SRD5A3: variants seen among roughly 807,000 people sequenced by gnomAD.
SRD5A3 encodes polyprenal reductase.
In SRD5A3, 24 loss-of-function variants were observed where a neutral mutation model predicts 34.3. That is an observed-to-expected ratio of 0.70 (90% CI 0.51 to 0.99). The LOEUF is 0.99. Ranked by LOEUF, SRD5A3 falls within the 50% of genes least tolerant of loss-of-function variation. The pLI, the probability that SRD5A3 is intolerant of heterozygous loss-of-function variation, is 0.00. For missense variants in SRD5A3, 350 were observed against 388.2 expected (o/e 0.90, Z 0.83); for synonymous variants, 161 against 167.3 (o/e 0.96, Z 0.29).
In SRD5A3 at chr4:55,364,252, GC is replaced by G; in HGVS notation, c.545del (p.Pro182GlnfsTer9). 6.2e-7 allele frequency: 1 copy of G among 1,614,114 alleles called. No individual in the cohort carries two copies. Among genetic ancestry groups the G allele is most frequent in the African/African-American group, 1.3e-5 (1 of 75,046 alleles). ...LVGLTVLSQV[P>X]MDGRNAYITG... ...TTGGCCTAACTGTGCTGAGCCAAGT[GC>G]CAATGGATGGCAGGAATGGTGAGTG... On this transcript the variant is annotated frameshift_variant, in exon 3 of 5. Coordinates refer to ENST00000264228, the MANE Select transcript of SRD5A3 (RefSeq NM_024592.5). LOFTEE classifies it high-confidence loss of function.
chr4:55,346,532 T>G lies in SRD5A3; in HGVS notation c.196T>G (p.Cys66Gly). 3 of 1,597,416 alleles carry G rather than the reference T, an allele frequency of 1.9e-6. No individual in the cohort carries two copies. Among genetic ancestry groups the G allele is most frequent in the Non-Finnish European group, 2.6e-6 (3 of 1,173,136 alleles). The part of the protein sequence containing the change: ...KCGEPSRPAA[C>G]RAFDVPKRYF... ...TGGGGAGCCGTCGCGCCCCGCCGCC[T>G]GCCGAGCCTTTGATGTCCCCAAGAG... The change falls in exon 1 of 5, where the codon TGC becomes GGC. Residue 66 changes from cysteine (C) to glycine (G), a missense_variant. Cys to Gly is a radical substitution (Grantham distance 159). Around this residue, in one of 3 missense-constraint regions of SRD5A3, gnomAD observed 159 missense variants for 149.1 expected, o/e 1.07. Coordinates refer to ENST00000264228, the MANE Select transcript of SRD5A3 (RefSeq NM_024592.5).
chr4:55,351,806 T>G, intron 1 of SRD5A3: 2 of 502,444 alleles, frequency 4.0e-6, no homozygotes, highest in South Asian at 3.2e-5. Context: ...CTGTGTCTTA[T>G]GAGAATTAGA....
intron 1 of SRD5A3, among the ~76,000 whole-genome samples, chr4:55,356,697 ATTTT>A (rs1719474779): frequency 6.9e-6 from 1 of 145,784 alleles, no homozygotes; most frequent in Non-Finnish European, 1.5e-5. Flanking sequence ...GGCTAGAGGG[ATTTT>A]TTATTTATTT....
intron 1 of SRD5A3, among the ~76,000 whole-genome samples, chr4:55,350,255 A>T (rs1257864770): frequency 1.3e-5 from 2 of 152,162 alleles, no homozygotes; most frequent in East Asian, 3.8e-4. Context: ...CGGTAATTCC[A>T]GCTACTTGGG....
chr4:55,369,057 A>C (rs1348730384), intron 4 of SRD5A3, among the ~76,000 whole-genome samples: 4 of 152,214 alleles, frequency 2.6e-5, no homozygotes, highest in Non-Finnish European at 5.9e-5. Flanking sequence ...GAATAGTTTT[A>C]ATATTTATCA....
Position 55,346,264 on chromosome 4 carries a change from C to G in SRD5A3, c.-73C>G, listed in dbSNP as rs1718985796. The G allele has an allele frequency of 7.8e-7, 1 of 1,276,942 alleles. No individual in the cohort carries two copies. 79.1% of individuals were successfully genotyped at this position (1,276,942 alleles called of 1,614,324 possible). On this transcript the variant is annotated 5_prime_UTR_variant, in exon 1 of 5. Coordinates refer to ENST00000264228, the MANE Select transcript of SRD5A3 (RefSeq NM_024592.5). The stretch of plus-strand genomic sequence containing the variant: ...GCTAGGCTGAGACCGGTGCGCCGCG[C>G]GCTAGTGGCCGCTCTTCCGCGGGCT...
At chr4:55,359,192 G>A (rs1719583179) in intron 1 of SRD5A3, 154 bp from the exon 2 acceptor site, 2 of 1,044,768 alleles carry the variant, frequency 1.9e-6, no homozygotes, top group East Asian at 2.4e-5. Flanking sequence ...TTAAGAACCT[G>A]AACACCTATA....
In SRD5A3 at chr4:55,370,097, C is replaced by T. The variant is rs1057522899; in HGVS notation, c.*6C>T. On this transcript the variant is annotated 3_prime_UTR_variant, in exon 5 of 5. Transcript: ENST00000264228. ...TCCTACCATTTTTGTTTTAAGTTAA[C>T]CTCAGTCATGAAGAATGCAAACCAG... The T allele has an allele frequency of 1.1e-5, 18 of 1,612,680 alleles. No individual in the cohort carries two copies. Among genetic ancestry groups the T allele is most frequent in the Non-Finnish European group, 1.5e-5 (18 of 1,180,014 alleles).
At position 55,370,431 on chromosome 4, in the gene SRD5A3, TCACACACACACACACACACACACA is replaced by T. The variant is rs3034886; in HGVS notation, c.*359_*382del. 5.3e-5 allele frequency: 12 copies of T among 225,832 alleles called. No homozygotes were observed. The highest frequency in any genetic ancestry group is 7.8e-5 in the Non-Finnish European group (9 of 115,514). The allele number at this position is 225,832 out of a possible 1,614,324, so 14.0% of individuals were successfully genotyped here. On this transcript the variant is annotated 3_prime_UTR_variant, in exon 5 of 5. Coordinates refer to ENST00000264228, the MANE Select transcript of SRD5A3 (RefSeq NM_024592.5). ...AAAAACCGAAAATATACAAACAGCT[TCACACACACACACACACACACACA>T]CACACACACACACACACAAAGGAAG...
intron 1 of SRD5A3, among the ~76,000 whole-genome samples, chr4:55,357,784 A>G (rs1242053047): frequency 2.0e-5 from 3 of 152,216 alleles, no homozygotes; most frequent in Admixed American, 6.5e-5. Flanking sequence ...ATAGCTCACT[A>G]TAACCTCAAA....
In SRD5A3 at chr4:55,362,087, G is replaced by A. The variant is rs533716935; in HGVS notation, c.365-1987G>A. Among the ~76,000 whole-genome samples the A allele has an allele frequency of 2.0e-5, 3 of 151,818 alleles. No individual in the cohort carries two copies. The South Asian group carries it at 6.2e-4, about 32-fold the overall frequency. Reference sequence around the variant, plus strand: ...GTTCCCCATGGGAAGTTTGGGGGAGGGGTCGTGCCTACACTAGGGGGTGCT... The same window carrying A: ...GTTCCCCATGGGAAGTTTGGGGGAGAGGTCGTGCCTACACTAGGGGGTGCT... On this transcript the variant is annotated intron_variant, in intron 2 of 4. Coordinates refer to ENST00000264228, the MANE Select transcript of SRD5A3 (RefSeq NM_024592.5).
intron 1 of SRD5A3, among the ~76,000 whole-genome samples, chr4:55,358,197 A>AG (rs1479666243): frequency 3.3e-5 from 5 of 152,276 alleles, no homozygotes; most frequent in African/African-American, 1.2e-4. Context: ...CAGACTGAAT[A>AG]GAAAAAAATA....
chr4:55,351,400 T>C (rs1270443092), intron 1 of SRD5A3, among the ~76,000 whole-genome samples: 2 of 151,984 alleles, frequency 1.3e-5, no homozygotes, highest in Non-Finnish European at 2.9e-5. Flanking sequence ...AGACAAAATA[T>C]CAATTTCAAA....
intron 1 of SRD5A3, among the ~76,000 whole-genome samples, chr4:55,354,370 C>T (rs1297358348): frequency 6.6e-6 from 1 of 152,188 alleles, no homozygotes; most frequent in Non-Finnish European, 1.5e-5. Flanking sequence ...GCCGGGATTA[C>T]AGGCCTGACG....
rs886059482 is a variant in SRD5A3, at chr4:55,372,367, CT to C, written c.*2277del. The C allele has an allele frequency of 5.3e-5, 8 of 152,176 alleles. No homozygotes were observed. The highest frequency in any genetic ancestry group is 2.1e-4 in the South Asian group (1 of 4,834). 9.4% of individuals were successfully genotyped at this position (152,176 alleles called of 1,614,324 possible). A position where few individuals can be genotyped will look rare whatever the true frequency, so the allele number is the denominator to read the frequency against. Reference sequence around the variant, plus strand: ...AGCTGCAGTGTCCAGTTTCCCACCCCTGTTTCCTGCTGTCTCTCTCCCACTC... The same window carrying C: ...AGCTGCAGTGTCCAGTTTCCCACCCCGTTTCCTGCTGTCTCTCTCCCACTC... On this transcript the variant is annotated 3_prime_UTR_variant, in exon 5 of 5. Coordinates refer to ENST00000264228, the MANE Select transcript of SRD5A3 (RefSeq NM_024592.5).
intron 1 of SRD5A3, among the ~76,000 whole-genome samples, chr4:55,358,742 T>C (rs1008387141): frequency 3.9e-5 from 6 of 152,190 alleles, no homozygotes. Flanking sequence ...TGTAGTTGTC[T>C]GAGAATTATA....
At chr4:55,358,157 G>T (rs1016963778) in intron 1 of SRD5A3, among the ~76,000 whole-genome samples, 2 of 152,080 alleles carry the variant, frequency 1.3e-5, no homozygotes, top group Non-Finnish European at 2.9e-5. Context: ...CCAGATGACC[G>T]CCAGGCACTC....
rs796374147 is a variant in SRD5A3, at chr4:55,358,552, A to AGAAG, written c.222-794_222-793insGAAG. Among the ~76,000 whole-genome samples, 353 of 112,224 alleles carry AGAAG rather than the reference A, an allele frequency of 3.1e-3. 2 individuals carry two copies. Among genetic ancestry groups the AGAAG allele is most frequent in the African/African-American group, 9.2e-3 (336 of 36,398 alleles). The allele number at this position is 112,224 out of a possible 152,430, so 73.6% of individuals were successfully genotyped here. ...CCCTGTCTCAAAAAAAAAAAAAAAA[A>AGAAG]AAAAAGAAGAAGAAGAACCTGCTAG... On this transcript the variant is annotated intron_variant, in intron 1 of 4. Coordinates refer to ENST00000264228, the MANE Select transcript of SRD5A3 (RefSeq NM_024592.5).
At chr4:55,368,675 C>G (rs1286072202) in intron 4 of SRD5A3, among the ~76,000 whole-genome samples, 1 of 151,828 alleles carries the variant, frequency 6.6e-6, no homozygotes, top group African/African-American at 2.4e-5. Flanking sequence ...ATCCACCCAC[C>G]TCGGCCTCCC....
Sources: allele counts gnomAD v4.1 joint callset (sites outside exome capture counted in the v4.1 genomes callset), GRCh38; gene constraint gnomAD v4.1.1; regional missense constraint gnomAD v4.1.1; transcripts MANE v1.5; gene names NCBI Gene and HGNC (gene_info 2026-07-23, HGNC 2026-07-21).